Variants in WWP1 observed in about 807,000 individuals in gnomAD.
WWP1 encodes the protein WW domain containing E3 ubiquitin protein ligase 1.
Under a neutral mutation model 130.6 loss-of-function variants are expected in WWP1, and 49 were observed. The observed-to-expected ratio is 0.38, with a 90% CI of 0.30 to 0.48. The LOEUF is 0.48. Ranked by LOEUF, WWP1 falls within the 20% of genes least tolerant of loss-of-function variation. The probability of loss-of-function intolerance (pLI) is 0.99; values close to 1 mark genes in which losing one functional copy is unlikely to be tolerated. For missense variants in WWP1, 809 were observed against 1,100.6 expected (o/e 0.74, Z 3.75); for synonymous variants, 332 against 367.8 (o/e 0.90, Z 1.11).
chr8:86,370,198 T>G (rs1207747688), intron 2 of WWP1, among the ~76,000 whole-genome samples: 1 of 152,272 alleles, frequency 6.6e-6, no homozygotes, highest in African/African-American at 2.4e-5. Flanking sequence ...GCACATATGG[T>G]ATTTTATTAT....
intron 9 of WWP1, among the ~76,000 whole-genome samples, chr8:86,420,393 A>G (rs986017780): frequency 1.3e-5 from 2 of 152,216 alleles, no homozygotes; most frequent in African/African-American, 2.4e-5. Context: ...TTTTTAAAAA[A>G]AGAAATTGGG....
At chr8:86,385,923 A>G (rs1409785096) in intron 5 of WWP1, among the ~76,000 whole-genome samples, 1 of 152,226 alleles carries the variant, frequency 6.6e-6, no homozygotes, top group Non-Finnish European at 1.5e-5. Flanking sequence ...GCACATGCTC[A>G]CATGTCCTTA....
rs61141803 is a variant in WWP1 at position 86,451,214 on chromosome 8, T to TAAAAAAAAAAAA, written c.2274-1317_2274-1306dup. On this transcript the variant is annotated intron_variant, in intron 20 of 24. Transcript: ENST00000517970. ...GCAACCGAGTGAGACCCTATGTTAT[T>TAAAAAAAAAAAA]AAAAAAAAAAAAAAAAAAAAAAAAA... Among the ~76,000 whole-genome samples the TAAAAAAAAAAAA allele has an allele frequency of 9.4e-4, 41 of 43,678 alleles. 3 individuals are homozygous for TAAAAAAAAAAAA. Among genetic ancestry groups the TAAAAAAAAAAAA allele is most frequent in the South Asian group, 1.8e-3 (2 of 1,106 alleles). The allele number at this position is 43,678 out of a possible 152,430, so 28.7% of individuals were successfully genotyped here.
chr8:86,360,454 G>A (rs1171242246), intron 1 of WWP1, among the ~76,000 whole-genome samples: 1 of 152,100 alleles, frequency 6.6e-6, no homozygotes, highest in Non-Finnish European at 1.5e-5. Flanking sequence ...CATAGTTCCT[G>A]CCTGCTGTCC....
intron 12 of WWP1, 55 bp from the exon 13 acceptor site, chr8:86,431,351 T>G: frequency 1.2e-6 from 1 of 826,672 alleles, no homozygotes; most frequent in Non-Finnish European, 1.7e-6. Flanking sequence ...GTGTTCCTTA[T>G]TTTATATATA....
intron 5 of WWP1, among the ~76,000 whole-genome samples, chr8:86,394,819 T>C (rs1300108671): frequency 2.6e-5 from 4 of 151,764 alleles, no homozygotes; most frequent in Admixed American, 6.6e-5. Flanking sequence ...ATGTTCAGAA[T>C]TGTGAAATAA....
intron 1 of WWP1, among the ~76,000 whole-genome samples, chr8:86,365,404 GGTTCCACATTTATTGGGT>G (rs1375084909): frequency 6.6e-6 from 1 of 152,136 alleles, no homozygotes; most frequent in Non-Finnish European, 1.5e-5. Context: ...ATACCTTTTA[GGTTCCACATTTATTGGGT>G]GTTTAAAATA....
At chr8:86,431,041 G>A (rs187796002) in intron 12 of WWP1, among the ~76,000 whole-genome samples, 1 of 133,634 alleles carries the variant, frequency 7.5e-6, no homozygotes, top group Non-Finnish European at 1.5e-5. Context: ...TATTATATAT[G>A]TATATATTAT....
intron 21 of WWP1, among the ~76,000 whole-genome samples, chr8:86,453,561 G>A (rs1274224827): frequency 6.6e-6 from 1 of 152,130 alleles, no homozygotes; most frequent in Admixed American, 6.5e-5. Context: ...ACCAGGAGTG[G>A]TATTGTTGGA....
intron 7 of WWP1, among the ~76,000 whole-genome samples, chr8:86,399,053 T>C (rs1041990864): frequency 6.6e-6 from 1 of 152,212 alleles, no homozygotes. Context: ...TGGATTCATA[T>C]AATATGTGAC....
rs150673078 is a variant in WWP1 at position 86,382,798 on chromosome 8, A to C, written c.334+1169A>C. Among the ~76,000 whole-genome samples, 282 of 152,346 alleles carry C rather than the reference A, an allele frequency of 1.9e-3. 1 individual carries two copies. The highest frequency in any genetic ancestry group is 6.8e-3 in the Middle Eastern group (2 of 294). ...TTTAGTTTCCCGTTGTCTGACACTT[A>C]AGTAGCTTGTAACAGTTCACTAAAA... is the stretch of plus-strand genomic sequence containing the variant. On this transcript the variant is annotated intron_variant, in intron 5 of 24. Transcript: ENST00000517970.
intron 8 of WWP1, among the ~76,000 whole-genome samples, chr8:86,411,113 G>T (rs1808557935): frequency 6.6e-6 from 1 of 152,146 alleles, no homozygotes; most frequent in Admixed American, 6.5e-5. Flanking sequence ...CCATCATACA[G>T]TTCCTACTAT....
Position 86,468,373 on chromosome 8 carries a change from A to G in WWP1, c.*1480A>G, listed in dbSNP as rs753579687. 2 of 453,764 alleles carry G rather than the reference A, an allele frequency of 4.4e-6. No homozygotes were observed. Among genetic ancestry groups the G allele is most frequent in the South Asian group, 3.2e-5 (2 of 63,480 alleles). The allele number at this position is 453,764 out of a possible 1,614,324, so 28.1% of individuals were successfully genotyped here. A position where few individuals can be genotyped will look rare whatever the true frequency, so the allele number is the denominator to read the frequency against. On this transcript the variant is annotated 3_prime_UTR_variant, in exon 25 of 25. Transcript: ENST00000517970. ...GAAAGGCAGAGATCTGCTTGGTTGA[A>G]TAGACTCCTTTTCCAAATCCTTATT...
intron 9 of WWP1, among the ~76,000 whole-genome samples, chr8:86,419,568 AT>A (rs1324505579): frequency 1.3e-5 from 2 of 152,238 alleles, no homozygotes; most frequent in Non-Finnish European, 2.9e-5. Context: ...AATTTGACTG[AT>A]AAAGGTAAAG....
intron 17 of WWP1, among the ~76,000 whole-genome samples, chr8:86,439,342 C>CAAAA (rs59635746): frequency 1.6e-5 from 2 of 127,056 alleles, no homozygotes; most frequent in Non-Finnish European, 1.6e-5. Flanking sequence ...GACGCTGTGT[C>CAAAA]AAAAAAAAAA....
intron 18 of WWP1, among the ~76,000 whole-genome samples, chr8:86,443,560 C>G (rs1810705355): frequency 6.6e-6 from 1 of 152,120 alleles, no homozygotes; most frequent in Non-Finnish European, 1.5e-5. Flanking sequence ...TATTGACAGC[C>G]TACTGTAATG....
chr8:86,461,965 A>G (rs763856375), intron 24 of WWP1, 119 bp downstream of exon 24: 18 of 769,058 alleles, frequency 2.3e-5, no homozygotes, highest in South Asian at 3.4e-5. Context: ...CAGAATTTCA[A>G]TTTTGAGAAC....
At chr8:86,373,483 C>T (rs1824450666) in intron 2 of WWP1, among the ~76,000 whole-genome samples, 1 of 152,016 alleles carries the variant, frequency 6.6e-6, no homozygotes, top group Non-Finnish European at 1.5e-5. Flanking sequence ...GGCTTCCCAC[C>T]CCATGTAGAC....
intron 21 of WWP1, among the ~76,000 whole-genome samples, chr8:86,457,489 G>C (rs1213623824): frequency 6.6e-6 from 1 of 151,440 alleles, no homozygotes; most frequent in African/African-American, 2.4e-5. Context: ...ATGTGTATGT[G>C]TGTATTTACA....
Sources: allele counts gnomAD v4.1 joint callset (sites outside exome capture counted in the v4.1 genomes callset), GRCh38; gene constraint gnomAD v4.1.1; transcripts MANE v1.5; gene names NCBI Gene and HGNC (gene_info 2026-07-23, HGNC 2026-07-21).